The following PLCG2 variants were observed in gnomAD, a reference collection of about 807,000 sequenced individuals.
PLCG2 encodes the protein phospholipase C gamma 2.
Under a neutral mutation model 175.6 loss-of-function variants are expected in PLCG2, and 69 were observed. The ratio of observed to expected loss-of-function variants is 0.39; its 90% CI spans 0.32 to 0.48. The LOEUF is 0.48. Ranked by LOEUF, PLCG2 falls within the 20% of genes least tolerant of loss-of-function variation. PLCG2 has a pLI of 0.91. For synonymous variants in PLCG2, 827 were observed against 624.0 expected, an observed-to-expected ratio of 1.33 and a Z score of -4.85; for missense variants, 1,798 against 1,650.9, an observed-to-expected ratio of 1.09 and a Z score of -1.54.
intron 19 of PLCG2, among the ~76,000 whole-genome samples, chr16:81,913,703 G>T (rs1909727357): frequency 6.6e-6 from 1 of 152,218 alleles, no homozygotes; most frequent in Admixed American, 6.5e-5. Flanking sequence ...TTCCACATGG[G>T]CGCGGTGGTG....
rs939377142 is a variant in PLCG2, at chr16:81,960,337, C to T, written c.*2339C>T. ...TCCTACATGACTGTTAAAGCACAGC[C>T]AATCCAGGCCAAGAAGACTAGTAAC... On this transcript the variant is annotated 3_prime_UTR_variant, in exon 33 of 33. Transcript: ENST00000564138. 1 of 219,254 alleles carries T rather than the reference C, an allele frequency of 4.6e-6. No homozygotes were observed. Among genetic ancestry groups the T allele is most frequent in the Non-Finnish European group, 9.1e-6 (1 of 109,586 alleles). The allele number at this position is 219,254 out of a possible 1,614,324, so 13.6% of individuals were successfully genotyped here. A position where few individuals can be genotyped will look rare whatever the true frequency, so the allele number is the denominator to read the frequency against.
intron 2 of PLCG2, among the ~76,000 whole-genome samples, chr16:81,825,283 A>ATT (rs577002663): frequency 0.011 from 1,283 of 115,688 alleles, 11 homozygotes; most frequent in African/African-American, 0.019. Flanking sequence ...AGATGCTCTA[A>ATT]TTTTTTTTTT....
At chr16:81,953,909 G>T (rs532725030) in intron 31 of PLCG2, among the ~76,000 whole-genome samples, 1 of 152,158 alleles carries the variant, frequency 6.6e-6, no homozygotes, top group Non-Finnish European at 1.5e-5. Context: ...ACTTGCGCCC[G>T]AATAACAAAT....
At chr16:81,886,400 C>T (rs550578621) in intron 9 of PLCG2, among the ~76,000 whole-genome samples, 3 of 152,246 alleles carry the variant, frequency 2.0e-5, no homozygotes, top group South Asian at 2.1e-4. Context: ...ACTTTGTGTG[C>T]AAATTAGTAT....
intron 4 of PLCG2, among the ~76,000 whole-genome samples, chr16:81,858,816 A>C (rs182199527): frequency 5.3e-5 from 8 of 151,782 alleles, no homozygotes; most frequent in Admixed American, 2.6e-4. Context: ...TCCTTCCACT[A>C]AATCAAAGTC....
chr16:81,840,534 C>G (rs980853817), intron 2 of PLCG2, among the ~76,000 whole-genome samples: 15 of 152,162 alleles, frequency 9.9e-5, no homozygotes, highest in African/African-American at 3.4e-4. Flanking sequence ...ACAGTTCTAT[C>G]TGGGAGTGAT....
chr16:81,960,682 A>T lies in PLCG2; in HGVS notation c.*2684A>T, dbSNP rs1911748372. 1 of 230,434 alleles carries T rather than the reference A, an allele frequency of 4.3e-6. No individual in the cohort carries two copies. The highest frequency in any genetic ancestry group is 5.6e-5 in the Admixed American group (1 of 17,712). The allele number at this position is 230,434 out of a possible 1,614,324, so 14.3% of individuals were successfully genotyped here. ...TATCTATAGTGGAACACATTTGAAGACCTACTGCTCTATTAAGAAGGCAGC... is the reference window on the plus strand; with the variant it reads ...TATCTATAGTGGAACACATTTGAAGTCCTACTGCTCTATTAAGAAGGCAGC... On this transcript the variant is annotated 3_prime_UTR_variant, in exon 33 of 33. Transcript: ENST00000564138.
chr16:81,911,653 C>T (rs1446581541), intron 18 of PLCG2, among the ~76,000 whole-genome samples: 1 of 151,998 alleles, frequency 6.6e-6, no homozygotes, highest in African/African-American at 2.4e-5. Flanking sequence ...CTCTGTCTCC[C>T]AGGCTGGAGT....
intron 2 of PLCG2, among the ~76,000 whole-genome samples, chr16:81,767,255 G>C (rs890793337): frequency 7.3e-6 from 1 of 136,592 alleles, no homozygotes; most frequent in African/African-American, 2.7e-5. Flanking sequence ...AGAGATTCTT[G>C]TGCCTCAGCC....
At chr16:81,839,899 A>G (rs977727704) in intron 2 of PLCG2, among the ~76,000 whole-genome samples, 3 of 152,148 alleles carry the variant, frequency 2.0e-5, no homozygotes, top group African/African-American at 7.2e-5. Context: ...AAAAAGAGAA[A>G]ACTTAGGTAG....
intron 9 of PLCG2, among the ~76,000 whole-genome samples, chr16:81,887,664 A>T (rs999597306): frequency 3.9e-5 from 6 of 152,194 alleles, no homozygotes; most frequent in Admixed American, 2.0e-4. Context: ...CGGACATTGC[A>T]TCCAGCCCTT....
intron 2 of PLCG2, among the ~76,000 whole-genome samples, chr16:81,788,516 C>T (rs1290890455): frequency 6.6e-6 from 1 of 152,100 alleles, no homozygotes; most frequent in Non-Finnish European, 1.5e-5. Flanking sequence ...CATATTTTAA[C>T]TTTAAAGGGA....
At chr16:81,899,616 C>G (rs1167760429) in intron 13 of PLCG2, among the ~76,000 whole-genome samples, 5 of 152,132 alleles carry the variant, frequency 3.3e-5, no homozygotes, top group African/African-American at 9.7e-5. Context: ...CATCTGTTGA[C>G]TGCCATGTTT....
intron 7 of PLCG2, among the ~76,000 whole-genome samples, chr16:81,876,754 A>G (rs1156686580): frequency 6.6e-6 from 1 of 152,166 alleles, no homozygotes; most frequent in African/African-American, 2.4e-5. Flanking sequence ...AGAGTGACAT[A>G]AGGCCCAGTG....
intron 7 of PLCG2, among the ~76,000 whole-genome samples, chr16:81,878,822 G>C (rs1023953072): frequency 1.3e-5 from 2 of 152,150 alleles, no homozygotes; most frequent in African/African-American, 4.8e-5. Context: ...CTCACTGTTG[G>C]TTCTCTTGCA....
intron 2 of PLCG2, among the ~76,000 whole-genome samples, chr16:81,847,667 A>T (rs1238087665): frequency 6.6e-6 from 1 of 152,184 alleles, no homozygotes; most frequent in Non-Finnish European, 1.5e-5. Context: ...GTCGATTGAA[A>T]ATATTTGAGA....
intron 32 of PLCG2, 31 bp downstream of exon 32, chr16:81,956,910 T>C (rs1369067312): frequency 1.3e-6 from 2 of 1,591,928 alleles, no homozygotes; most frequent in Admixed American, 1.7e-5. Context: ...GCAAAAACTT[T>C]TGGGGGGTCT....
intron 14 of PLCG2, among the ~76,000 whole-genome samples, chr16:81,902,124 T>C (rs777987956): frequency 1.2e-4 from 19 of 152,228 alleles, no homozygotes; most frequent in Non-Finnish European, 1.2e-4. Flanking sequence ...TTTTCTCTAC[T>C]GTTCTGTGCA....
intron 17 of PLCG2, among the ~76,000 whole-genome samples, chr16:81,909,644 G>T (rs78891211): frequency 6.6e-6 from 1 of 152,152 alleles, no homozygotes; most frequent in African/African-American, 2.4e-5. Context: ...TTTGAACTCA[G>T]CTCAAGCAAT....
Sources: allele counts gnomAD v4.1 joint callset (sites outside exome capture counted in the v4.1 genomes callset), GRCh38; gene constraint gnomAD v4.1.1; transcripts MANE v1.5; gene names NCBI Gene and HGNC (gene_info 2026-07-23, HGNC 2026-07-21).